The following INPP4B variants were observed in gnomAD, a reference collection of about 807,000 sequenced individuals.
The protein encoded by INPP4B is inositol polyphosphate 4-phosphatase type II.
Under a neutral mutation model 122.5 loss-of-function variants are expected in INPP4B, and 55 were observed. That is an observed-to-expected ratio of 0.45 (90% CI 0.36 to 0.56). INPP4B has a LOEUF of 0.56. Among genes scored for constraint, INPP4B ranks in the 20% least tolerant of loss-of-function variants. The pLI, the probability that INPP4B is intolerant of heterozygous loss-of-function variation, is 0.00. For synonymous variants in INPP4B, 403 were observed against 388.7 expected (o/e 1.04, Z -0.43); for missense variants, 1,000 against 1,097.7 (o/e 0.91, Z 1.26).
At chr4:142,295,803 T>C (rs752973109) in intron 9 of INPP4B, among the ~76,000 whole-genome samples, 9 of 151,784 alleles carry the variant, frequency 5.9e-5, no homozygotes, top group Non-Finnish European at 1.2e-4. Flanking sequence ...ATTCCTTTAT[T>C]CAAAAAACAT....
intron 7 of INPP4B, among the ~76,000 whole-genome samples, chr4:142,372,568 C>A (rs986906343): frequency 1.3e-5 from 2 of 151,992 alleles, no homozygotes; most frequent in Non-Finnish European, 2.9e-5. Context: ...CAGAAAATAT[C>A]ATATGCATTG....
intron 1 of INPP4B, among the ~76,000 whole-genome samples, chr4:142,744,538 A>G (rs1299608870): frequency 6.6e-6 from 1 of 151,834 alleles, no homozygotes; most frequent in African/African-American, 2.4e-5. Context: ...CAATCAGAGG[A>G]AAAGGAACAT....
At chr4:142,458,925 T>C (rs1816101974) in intron 3 of INPP4B, among the ~76,000 whole-genome samples, 1 of 152,142 alleles carries the variant, frequency 6.6e-6, no homozygotes. Context: ...GTCCTGGGAA[T>C]TAAGACACCT....
chr4:142,170,133 A>G (rs1214011865), intron 16 of INPP4B, among the ~76,000 whole-genome samples: 1 of 151,606 alleles, frequency 6.6e-6, no homozygotes, highest in African/African-American at 2.4e-5. Flanking sequence ...AACTGTTCAT[A>G]CTGTATGTTA....
At chr4:142,537,316 G>T (rs957122944) in intron 2 of INPP4B, among the ~76,000 whole-genome samples, 6 of 149,092 alleles carry the variant, frequency 4.0e-5, no homozygotes, top group Admixed American at 1.3e-4. Context: ...TTAGATAGAG[G>T]CTGAGTACCT....
chr4:142,350,501 T>C (rs1191575045), intron 7 of INPP4B, among the ~76,000 whole-genome samples: 1 of 152,006 alleles, frequency 6.6e-6, no homozygotes, highest in Non-Finnish European at 1.5e-5. Context: ...ACATTTCCCC[T>C]TCCCCTAGGT....
intron 21 of INPP4B, among the ~76,000 whole-genome samples, chr4:142,118,273 C>T (rs1287181029): frequency 6.6e-6 from 1 of 152,092 alleles, no homozygotes; most frequent in Non-Finnish European, 1.5e-5. Flanking sequence ...TGACTTTCTT[C>T]ACAGAATTGG....
chr4:142,553,577 C>T (rs2150086459), intron 2 of INPP4B, among the ~76,000 whole-genome samples: 1 of 152,314 alleles, frequency 6.6e-6, no homozygotes. Context: ...CCCCAGTTCT[C>T]TTTTCCTTCA....
At chr4:142,558,675 A>G (rs1729753962) in intron 2 of INPP4B, among the ~76,000 whole-genome samples, 2 of 151,488 alleles carry the variant, frequency 1.3e-5, no homozygotes, top group Admixed American at 6.6e-5. Flanking sequence ...GTGTGGGGAA[A>G]AATCTACTAT....
At chr4:142,219,960 T>TA (rs1213578693) in intron 12 of INPP4B, among the ~76,000 whole-genome samples, 1 of 152,152 alleles carries the variant, frequency 6.6e-6, no homozygotes, top group Non-Finnish European at 1.5e-5. Flanking sequence ...CCAAACAAAA[T>TA]AAAAAATTCA....
chr4:142,168,927 G>T (rs576049000), intron 16 of INPP4B, among the ~76,000 whole-genome samples: 18 of 151,592 alleles, frequency 1.2e-4, no homozygotes, highest in African/African-American at 4.1e-4. Flanking sequence ...CCTAGGAACT[G>T]CCCTAGGAAG....
At chr4:142,793,435 C>T (rs762028381) in intron 1 of INPP4B, among the ~76,000 whole-genome samples, 2 of 151,990 alleles carry the variant, frequency 1.3e-5, no homozygotes, top group Admixed American at 6.6e-5. Flanking sequence ...TCCAAAGCAA[C>T]GATCAGTGGA....
chr4:142,752,890 G>C (rs1054433328), intron 1 of INPP4B, among the ~76,000 whole-genome samples: 1 of 152,056 alleles, frequency 6.6e-6, no homozygotes, highest in South Asian at 2.1e-4. Context: ...TGTATTAATA[G>C]AGAGTTACTA....
At chr4:142,822,516 C>T (rs72728691) in intron 1 of INPP4B, among the ~76,000 whole-genome samples, 1,584 of 152,210 alleles carry the variant, frequency 0.01, 15 homozygotes, top group Middle Eastern at 0.031. Flanking sequence ...AGTGCAAACC[C>T]TATTGTGAAC....
At chr4:142,828,655 A>T (rs1240962118) in intron 1 of INPP4B, among the ~76,000 whole-genome samples, 1 of 152,190 alleles carries the variant, frequency 6.6e-6, no homozygotes, top group African/African-American at 2.4e-5. Context: ...AAAAATGAAC[A>T]TAAACTCAAG....
At chr4:142,235,553 C>A (rs1437342374) in intron 12 of INPP4B, among the ~76,000 whole-genome samples, 1 of 152,070 alleles carries the variant, frequency 6.6e-6, no homozygotes, top group African/African-American at 2.4e-5. Context: ...TCCCGAGTAG[C>A]TGGGACTACA....
intron 11 of INPP4B, among the ~76,000 whole-genome samples, chr4:142,254,453 T>C (rs1734495812): frequency 6.6e-6 from 1 of 151,472 alleles, no homozygotes; most frequent in South Asian, 2.1e-4. Flanking sequence ...TTGAAAACTT[T>C]GAAAAAAATT....
chr4:142,831,685 A>G (rs1279765799), intron 1 of INPP4B, among the ~76,000 whole-genome samples: 1 of 152,176 alleles, frequency 6.6e-6, no homozygotes, highest in African/African-American at 2.4e-5. Context: ...CCCAAGATTA[A>G]GCCTTTATGT....
intron 2 of INPP4B, among the ~76,000 whole-genome samples, chr4:142,549,229 G>C (rs1727391106): frequency 6.6e-6 from 1 of 151,968 alleles, no homozygotes; most frequent in Non-Finnish European, 1.5e-5. Flanking sequence ...TCTTCTCCCT[G>C]GTTAGGGTCT....
Sources: gnomAD v4.1 joint callset for allele counts (sites outside exome capture counted in the v4.1 genomes callset) on GRCh38, gnomAD v4.1.1 for gene constraint, MANE v1.5 for transcripts, NCBI Gene and HGNC (gene_info 2026-07-23, HGNC 2026-07-21) for gene names.